VSIG8: variants seen among roughly 807,000 people sequenced by gnomAD.
The protein encoded by VSIG8 is V-set and immunoglobulin domain containing 8.
In VSIG8, 32 loss-of-function variants were observed where a neutral mutation model predicts 42.6. The ratio of observed to expected loss-of-function variants is 0.75; its 90% CI spans 0.57 to 1.01. The LOEUF is 1.01. Among genes scored for constraint, VSIG8 ranks in the 50% least tolerant of loss-of-function variants. VSIG8 has a pLI of 0.00. For synonymous variants in VSIG8, 290 were observed against 243.8 expected (o/e 1.19, Z -1.77); for missense variants, 529 against 558.0 (o/e 0.95, Z 0.52).
chr1:159,856,549 A>T lies in VSIG8; in HGVS notation c.747T>A (p.Val249=). 6.2e-7 allele frequency: 1 copy of T among 1,614,048 alleles called. No homozygotes were observed. Among genetic ancestry groups the T allele is most frequent in the African/African-American group, 1.3e-5 (1 of 75,012 alleles). Residue 249 remains valine (V), a synonymous_variant, in exon 5 of 7, where the codon GTT becomes GTA. Coordinates refer to ENST00000368100, the MANE Select transcript of VSIG8 (RefSeq NM_001013661.1). The stretch of plus-strand genomic sequence containing the variant: ...CTGAGACCTTCACCTCCACCACACA[A>T]ACACTGTAGCCCACGTTGTTGGCCA... The part of the protein sequence containing the change: ...CTVANNVGYS[V]CVVEVKVSDS...
At chr1:159,858,420 G>A in intron 2 of VSIG8, 129 bp from the exon 3 acceptor site, 3 of 962,268 alleles carry the variant, frequency 3.1e-6, no homozygotes, top group East Asian at 2.6e-5. Flanking sequence ...TGAGAATAAT[G>A]ATGCCTGAGC....
Position 159,856,407 on chromosome 1 carries a change from C to T in VSIG8, c.772+117G>A. 2.0e-6 allele frequency: 3 copies of T among 1,537,182 alleles called. No individual in the cohort carries two copies. In the South Asian group the frequency reaches 3.6e-5, roughly 19 times the overall value. On this transcript the variant is annotated intron_variant, in intron 5 of 6. Transcript: ENST00000368100. ...ACTTGTAGGAAAGGGGCTGGGAGCC[C>T]CCACTGGCAAATGGATGGCAGTGGA...
At chr1:159,857,146 C>T (rs1243210815) in intron 4 of VSIG8, among the ~76,000 whole-genome samples, 2 of 152,240 alleles carry the variant, frequency 1.3e-5, no homozygotes, top group African/African-American at 4.8e-5. Flanking sequence ...GGGTAAGCCA[C>T]TTGCCTTAAA....
chr1:159,858,257 C>A lies in VSIG8; in HGVS notation c.263G>T (p.Gly88Val). The A allele has an allele frequency of 6.2e-7, 1 of 1,614,170 alleles. No individual in the cohort carries two copies. The highest frequency in any genetic ancestry group is 8.5e-7 in the Non-Finnish European group (1 of 1,180,030). Residue 88 changes from glycine to valine, a missense_variant, in exon 3 of 7, where the codon GGC becomes GTC. Transcript: ENST00000368100. ...CCTCTGCTGCAGATGGGGAAGGCTG[C>A]CATGGTTGATCCTCTTGTCCTGGTA... Reference protein sequence around the residue: ...LSYQDKRINHGSLPHLQQRVR... With the variant: ...LSYQDKRINHVSLPHLQQRVR...
At chr1:159,858,467 A>G (rs1322910247) in intron 2 of VSIG8, among the ~76,000 whole-genome samples, 176 bp from the exon 3 acceptor site, 1 of 152,210 alleles carries the variant, frequency 6.6e-6, no homozygotes, top group East Asian at 1.9e-4. Context: ...ATCAGGTGAG[A>G]TCAAGCACTT....
intron 6 of VSIG8, 102 bp downstream of exon 6, chr1:159,855,781 G>A (rs969921112): frequency 1.4e-5 from 20 of 1,427,702 alleles, no homozygotes; most frequent in Non-Finnish European, 1.8e-5. Flanking sequence ...GGCGGGCAGG[G>A]TTGGGGTGGG....
In VSIG8 at chr1:159,858,395, T is replaced by C. The variant is rs887292090; in HGVS notation, c.229-104A>G. The C allele has an allele frequency of 4.2e-5, 50 of 1,193,396 alleles. No homozygotes were observed. In the Middle Eastern group the frequency reaches 6.2e-4, roughly 15 times the overall value. The allele number at this position is 1,193,396 out of a possible 1,614,324, so 73.9% of individuals were successfully genotyped here. ...TCACTGAACTTCTCTGAGACTCTTT[T>C]CTCAGCTGAAAAAATGAGAATAATG... On this transcript the variant is annotated intron_variant, in intron 2 of 6. Transcript: ENST00000368100.
chr1:159,855,367 T>A (rs1310124826), intron 6 of VSIG8: 47 of 1,448,768 alleles, frequency 3.2e-5, no homozygotes, highest in Non-Finnish European at 3.4e-5. Context: ...TTTCCTTAGC[T>A]AATCCTGACC....
Position 159,855,039 on chromosome 1 carries a change from ACAGG to A in VSIG8, c.972-17_972-14del. The A allele has an allele frequency of 6.3e-7, 1 of 1,575,602 alleles. No homozygotes were observed. The highest frequency in any genetic ancestry group is 8.6e-7 in the Non-Finnish European group (1 of 1,161,582). On this transcript the variant is annotated splice_polypyrimidine_tract_variant and intron_variant, in intron 6 of 6. Transcript: ENST00000368100. Reference sequence around the variant, plus strand: ...CACGGCGTCCTCTCTGTGGAAAACAACAGGCGGGCGGGTGAGCGGGCTGCTCCGC... The same window carrying A: ...CACGGCGTCCTCTCTGTGGAAAACAACGGGCGGGTGAGCGGGCTGCTCCGC...
rs1571168208 is a variant in VSIG8 at position 159,858,250 on chromosome 1, A to G, written c.270T>C (p.Leu90=). The G allele has an allele frequency of 6.2e-7, 1 of 1,614,214 alleles. No homozygotes were observed. Among genetic ancestry groups the G allele is most frequent in the South Asian group, 1.1e-5 (1 of 91,086 alleles). The change falls in exon 3 of 7, where the codon CTT becomes CTC. Residue 90 remains leucine, a synonymous_variant. Coordinates refer to ENST00000368100, the MANE Select transcript of VSIG8 (RefSeq NM_001013661.1). Reference sequence around the variant, plus strand: ...AGCGGACCCTCTGCTGCAGATGGGGAAGGCTGCCATGGTTGATCCTCTTGT... The same window carrying G: ...AGCGGACCCTCTGCTGCAGATGGGGGAGGCTGCCATGGTTGATCCTCTTGT... ...YQDKRINHGS[L]PHLQQRVRFA... is the part of the protein sequence containing the mutation.
chr1:159,862,266 TAC>T (rs1177707759), intron 1 of VSIG8: 2 of 535,156 alleles, frequency 3.7e-6, no homozygotes, highest in East Asian at 6.1e-5. Flanking sequence ...ACCTCTGCAC[TAC>T]AGACACACAC....
Position 159,854,489 on chromosome 1 carries a change from T to A in VSIG8, c.*264A>T. 2.0e-6 allele frequency: 1 copy of A among 508,426 alleles called. No homozygotes were observed. 31.5% of individuals were successfully genotyped at this position (508,426 alleles called of 1,614,324 possible). A position where few individuals can be genotyped will look rare whatever the true frequency, so the allele number is the denominator to read the frequency against. On this transcript the variant is annotated 3_prime_UTR_variant, in exon 7 of 7. Transcript: ENST00000368100. ...CGCTCTAGGACACTCAGCCTCCTCC[T>A]CCCTCCCTCTCCCCCAAGCCTTCGG...
Position 159,854,876 on chromosome 1 carries a change from C to A in VSIG8, c.1122G>T (p.Ala374=), listed in dbSNP as rs985781493. 3.4e-6 allele frequency: 5 copies of A among 1,472,376 alleles called. No homozygotes were observed. Among genetic ancestry groups the A allele is most frequent in the Non-Finnish European group, 4.5e-6 (5 of 1,121,348 alleles). 91.2% of individuals were successfully genotyped at this position (1,472,376 alleles called of 1,614,324 possible). A position where few individuals can be genotyped will look rare whatever the true frequency, so the allele number is the denominator to read the frequency against. ...PCGGPEDVAL[A]PCTAAAACEA... Reference sequence around the variant, plus strand: ...CGCAGGCGGCGGCGGCGGTGCAGGGCGCCAGGGCCACGTCCTCGGGGCCGC... The same window carrying A: ...CGCAGGCGGCGGCGGCGGTGCAGGGAGCCAGGGCCACGTCCTCGGGGCCGC... Residue 374 remains alanine (A), a synonymous_variant, in exon 7 of 7, where the codon GCG becomes GCT. Coordinates refer to ENST00000368100, the MANE Select transcript of VSIG8 (RefSeq NM_001013661.1).
chr1:159,857,280 T>C (rs1648864424), intron 4 of VSIG8, among the ~76,000 whole-genome samples: 1 of 152,174 alleles, frequency 6.6e-6, no homozygotes, highest in Admixed American at 6.5e-5. Flanking sequence ...CTGCTCTCAA[T>C]AGCAGCTGCT....
chr1:159,862,382 G>A, intron 1 of VSIG8, 91 bp downstream of exon 1: 2 of 1,417,790 alleles, frequency 1.4e-6, no homozygotes, highest in South Asian at 2.7e-5. Context: ...GGCAACTCAG[G>A]CAGCCCCAGG....
chr1:159,857,691 A>G (rs1348453297), intron 4 of VSIG8, 54 bp downstream of exon 4: 83 of 1,492,996 alleles, frequency 5.6e-5, no homozygotes, highest in Non-Finnish European at 8.3e-6. Context: ...AACAGGTCCC[A>G]GAGTCCCTGA....
chr1:159,855,157 T>C, intron 6 of VSIG8, 131 bp from the exon 7 acceptor site: 2 of 1,551,628 alleles, frequency 1.3e-6, no homozygotes, highest in Non-Finnish European at 1.7e-6. Context: ...CTCGTCTCTC[T>C]CCCTCGGCCT....
At chr1:159,856,771 C>A (rs9427030) in intron 4 of VSIG8, 128 bp from the exon 5 acceptor site, 75 of 890,434 alleles carry the variant, frequency 8.4e-5, no homozygotes, top group African/African-American at 4.7e-4. Flanking sequence ...ACACCCACAC[C>A]CACACACACA....
chr1:159,859,660 T>C (rs1648960832), intron 1 of VSIG8, among the ~76,000 whole-genome samples: 1 of 152,168 alleles, frequency 6.6e-6, no homozygotes, highest in East Asian at 1.9e-4. Context: ...TGTTCGTGTG[T>C]GATAGTGAGT....
Sources: gnomAD v4.1 joint callset for allele counts (sites outside exome capture counted in the v4.1 genomes callset) on GRCh38, gnomAD v4.1.1 for gene constraint, MANE v1.5 for transcripts, NCBI Gene and HGNC (gene_info 2026-07-23, HGNC 2026-07-21) for gene names.